The following TOP6BL variants were observed in gnomAD, a reference collection of about 807,000 sequenced individuals.
The protein encoded by TOP6BL is type 2 DNA topoisomerase 6 subunit B-like.
the TOP6BL span, among the ~76,000 whole-genome samples, chr11:66,787,785 T>C: frequency 6.6e-6 from 1 of 151,856 alleles, no homozygotes; most frequent in African/African-American, 2.4e-5. Flanking sequence ...AGCTCTAAAT[T>C]AGTTCATGTA....
the TOP6BL span, among the ~76,000 whole-genome samples, chr11:66,781,046 C>T: frequency 6.6e-6 from 1 of 151,956 alleles, no homozygotes; most frequent in Non-Finnish European, 1.5e-5. Context: ...TTGCATTTAT[C>T]CTCCTTGGGG....
At chr11:66,761,477 G>A in the TOP6BL span, 1 of 424,490 alleles carries the variant, frequency 2.4e-6, no homozygotes, top group South Asian at 5.2e-5. Flanking sequence ...ATGATATTAG[G>A]ATGATAATCA....
chr11:66,822,529 C>T, the TOP6BL span: 2 of 1,347,866 alleles, frequency 1.5e-6, no homozygotes, highest in South Asian at 1.3e-5. Context: ...TCTTGGGATT[C>T]ATGCAGTCTC....
the TOP6BL span, among the ~76,000 whole-genome samples, chr11:66,792,118 C>G: frequency 6.6e-6 from 1 of 152,066 alleles, no homozygotes; most frequent in African/African-American, 2.4e-5. Context: ...CTTCCTCTCT[C>G]TAATAATTCT....
the TOP6BL span, chr11:66,822,607 C>T: frequency 6.4e-7 from 1 of 1,553,184 alleles, no homozygotes; most frequent in Non-Finnish European, 8.7e-7. Flanking sequence ...GCTGTGAACT[C>T]CATCATGAGT....
the TOP6BL span, chr11:66,788,245 A>G: frequency 6.2e-7 from 1 of 1,613,100 alleles, no homozygotes; most frequent in Non-Finnish European, 8.5e-7. Context: ...TGACAGGGGT[A>G]ACACCCTTCC....
chr11:66,814,072 TGAAAG>T, the TOP6BL span: 64,770 of 1,509,998 alleles, frequency 0.043, 1,660 homozygotes, highest in Non-Finnish European at 0.052. Context: ...ATTAGATAAA[TGAAAG>T]GAAATATGAA....
chr11:66,810,372 T>C, the TOP6BL span, among the ~76,000 whole-genome samples: 2 of 152,182 alleles, frequency 1.3e-5, no homozygotes, highest in African/African-American at 2.4e-5. Flanking sequence ...TTTGTCCTTT[T>C]AAAAACACAA....
At chr11:66,815,821 G>C in the TOP6BL span, 7 of 411,222 alleles carry the variant, frequency 1.7e-5, no homozygotes, top group South Asian at 1.2e-4. Flanking sequence ...AAGGAGTGCT[G>C]TTTGGCTTGC....
At chr11:66,818,471 C>T in the TOP6BL span, among the ~76,000 whole-genome samples, 4 of 152,098 alleles carry the variant, frequency 2.6e-5, no homozygotes, top group Non-Finnish European at 1.5e-5. Flanking sequence ...GTGAGGATTC[C>T]TGGGGCTGTT....
the TOP6BL span, among the ~76,000 whole-genome samples, chr11:66,757,291 T>C: frequency 0.99 from 150,409 of 152,198 alleles, 74,348 homozygotes; most frequent in East Asian, 1. Context: ...TGCAGTGAGC[T>C]GAGATTGTGC....
chr11:66,762,380 C>A, the TOP6BL span: 154 of 364,506 alleles, frequency 4.2e-4, no homozygotes, highest in African/African-American at 3.1e-3. Context: ...ATGGGGCACT[C>A]AGCGCAGCAG....
At chr11:66,772,499 T>C in the TOP6BL span, among the ~76,000 whole-genome samples, 4 of 152,196 alleles carry the variant, frequency 2.6e-5, no homozygotes, top group Non-Finnish European at 5.9e-5. Context: ...CCGGGCACCG[T>C]GGCTCATGCC....
chr11:66,822,433 A>T, the TOP6BL span: 2 of 625,046 alleles, frequency 3.2e-6, no homozygotes, highest in South Asian at 3.9e-5. Context: ...TGAGGATCTC[A>T]GTAACTTTTG....
chr11:66,750,159 G>A, the TOP6BL span, among the ~76,000 whole-genome samples: 939 of 152,172 alleles, frequency 6.2e-3, 1 homozygote, highest in Non-Finnish European at 9.3e-3. Context: ...CCAGTACTTT[G>A]TGGGCAGCAT....
chr11:66,810,201 T>C, the TOP6BL span, among the ~76,000 whole-genome samples: 1 of 151,976 alleles, frequency 6.6e-6, no homozygotes, highest in South Asian at 2.1e-4. Context: ...TTTTCAGACA[T>C]AGAAAAGGTG....
At chr11:66,826,189 C>CA in the TOP6BL span, among the ~76,000 whole-genome samples, 1 of 151,950 alleles carries the variant, frequency 6.6e-6, no homozygotes, top group Non-Finnish European at 1.5e-5. Flanking sequence ...TAGTATAACA[C>CA]AAAAAAATTT....
the TOP6BL span, among the ~76,000 whole-genome samples, chr11:66,790,474 G>A: frequency 2.0e-5 from 3 of 152,192 alleles, no homozygotes; most frequent in Non-Finnish European, 4.4e-5. Context: ...CTGAAAAACA[G>A]ATTTGCTGGG....
At chr11:66,757,756 T>G in the TOP6BL span, among the ~76,000 whole-genome samples, 1 of 152,102 alleles carries the variant, frequency 6.6e-6, no homozygotes, top group East Asian at 1.9e-4. Context: ...TCAGCTAATT[T>G]TTGTTATTTT....
Sources: gnomAD v4.1 joint callset for allele counts (sites outside exome capture counted in the v4.1 genomes callset) on GRCh38, gnomAD v4.1.1 for gene constraint, MANE v1.5 for transcripts, NCBI Gene and HGNC (gene_info 2026-07-23, HGNC 2026-07-21) for gene names.